The following NALF1 variants were observed in gnomAD, a reference collection of about 807,000 sequenced individuals.
NALF1 encodes the protein NALCN channel auxiliary factor 1.
NALF1 carries 3 observed loss-of-function variants against 48.4 expected under a neutral mutation model. That is an observed-to-expected ratio of 0.06 (90% CI 0.03 to 0.16). The LOEUF is 0.16. NALF1 is among the 10% of genes least tolerant of loss of function. The pLI is 1.00. For missense variants in NALF1, 526 were observed against 571.5 expected (o/e 0.92, Z 0.81); for synonymous variants, 262 against 245.7 (o/e 1.07, Z -0.62).
At chr13:107,289,720 G>A (rs1370783204) in intron 1 of NALF1, among the ~76,000 whole-genome samples, 1 of 152,136 alleles carries the variant, frequency 6.6e-6, no homozygotes, top group Non-Finnish European at 1.5e-5. Context: ...CCAGCTGAGA[G>A]CCATTTGGGG....
intron 1 of NALF1, among the ~76,000 whole-genome samples, chr13:107,355,182 T>C (rs1384663315): frequency 6.6e-6 from 1 of 152,132 alleles, no homozygotes; most frequent in African/African-American, 2.4e-5. Context: ...GCACAGCAAA[T>C]AGTCTCTGCA....
chr13:107,411,695 C>T (rs900026002), intron 1 of NALF1, among the ~76,000 whole-genome samples: 9 of 152,080 alleles, frequency 5.9e-5, no homozygotes, highest in African/African-American at 1.4e-4. Flanking sequence ...GCAGGACATT[C>T]GAAAGAAAGA....
chr13:107,404,487 T>C (rs1883866225), intron 1 of NALF1, among the ~76,000 whole-genome samples: 1 of 152,088 alleles, frequency 6.6e-6, no homozygotes, highest in African/African-American at 2.4e-5. Flanking sequence ...AAAATTGACC[T>C]ACAGAAAGAA....
intron 1 of NALF1, among the ~76,000 whole-genome samples, chr13:107,325,376 C>A (rs543711183): frequency 6.6e-6 from 1 of 152,212 alleles, no homozygotes; most frequent in South Asian, 2.1e-4. Flanking sequence ...ACACTCAAGA[C>A]AATCTTATGA....
intron 1 of NALF1, among the ~76,000 whole-genome samples, chr13:107,538,406 G>A (rs540308330): frequency 4.6e-5 from 7 of 152,076 alleles, no homozygotes; most frequent in East Asian, 3.9e-4. Flanking sequence ...AGATTTAATC[G>A]GCATAATCCT....
intron 1 of NALF1, among the ~76,000 whole-genome samples, chr13:107,824,668 T>C (rs1482739186): frequency 6.6e-6 from 1 of 152,196 alleles, no homozygotes; most frequent in Non-Finnish European, 1.5e-5. Context: ...TATGCATGTG[T>C]AGAAGATTCC....
At chr13:107,700,899 T>C (rs1460154181) in intron 1 of NALF1, among the ~76,000 whole-genome samples, 2 of 152,062 alleles carry the variant, frequency 1.3e-5, no homozygotes, top group Non-Finnish European at 2.9e-5. Flanking sequence ...GTGCTCAACA[T>C]CACTAATCAA....
intron 1 of NALF1, among the ~76,000 whole-genome samples, chr13:107,493,742 A>T (rs1924446): frequency 0.073 from 11,107 of 152,104 alleles, 742 homozygotes; most frequent in Admixed American, 0.2. Flanking sequence ...AACAAAAAAT[A>T]GCAATGCGTG....
At chr13:107,420,555 T>C (rs1016737628) in intron 1 of NALF1, among the ~76,000 whole-genome samples, 3 of 152,180 alleles carry the variant, frequency 2.0e-5, no homozygotes, top group Non-Finnish European at 4.4e-5. Flanking sequence ...AGTAACATCA[T>C]AGTGGTAGTC....
At chr13:107,588,508 C>T (rs1162805620) in intron 1 of NALF1, among the ~76,000 whole-genome samples, 1 of 151,954 alleles carries the variant, frequency 6.6e-6, no homozygotes, top group Non-Finnish European at 1.5e-5. Context: ...AGGGTTTGGG[C>T]ATACGTGAAA....
intron 1 of NALF1, among the ~76,000 whole-genome samples, chr13:107,470,015 T>A (rs151203816): frequency 0.012 from 1,888 of 151,936 alleles, 46 homozygotes; most frequent in African/African-American, 0.043. Flanking sequence ...AGTGCTGAGA[T>A]TACAGGCATG....
At chr13:107,387,092 G>A (rs188017960) in intron 1 of NALF1, among the ~76,000 whole-genome samples, 3 of 152,140 alleles carry the variant, frequency 2.0e-5, no homozygotes, top group African/African-American at 7.2e-5. Flanking sequence ...CGACTATGAT[G>A]GGTAGATGCA....
chr13:107,305,465 C>T (rs1315948858), intron 1 of NALF1, among the ~76,000 whole-genome samples: 3 of 152,142 alleles, frequency 2.0e-5, no homozygotes, highest in Admixed American at 2.0e-4. Flanking sequence ...ATTGTATTTA[C>T]TCATATTAAG....
At chr13:107,506,680 T>C (rs1187801036) in intron 1 of NALF1, among the ~76,000 whole-genome samples, 1 of 152,162 alleles carries the variant, frequency 6.6e-6, no homozygotes, top group African/African-American at 2.4e-5. Flanking sequence ...CATAATATTT[T>C]CAAGTTCATC....
rs181795583 is a variant in NALF1 at position 107,428,288 on chromosome 13, G to A, written c.916-217533C>T. 1.2e-4 allele frequency among the ~76,000 whole-genome samples: 18 copies of A among 152,266 alleles called. No homozygotes were observed. In the East Asian group the frequency reaches 2.9e-3, roughly 24 times the overall value. On this transcript the variant is annotated intron_variant, in intron 1 of 2. Coordinates refer to ENST00000375915, the MANE Select transcript of NALF1 (RefSeq NM_001080396.3). ...GATAATAAAACTGAGATTTAGAAAC[G>A]ATAAGCCTCATGCCCGAGGTTGCAC...
intron 1 of NALF1, among the ~76,000 whole-genome samples, chr13:107,609,275 G>A (rs1005726858): frequency 2.6e-5 from 4 of 152,262 alleles, no homozygotes; most frequent in East Asian, 1.9e-4. Flanking sequence ...AATCTTCGCC[G>A]AGAGCAGTTT....
intron 1 of NALF1, among the ~76,000 whole-genome samples, chr13:107,671,334 T>G (rs11616388): frequency 0.11 from 17,463 of 151,932 alleles, 1,558 homozygotes; most frequent in Admixed American, 0.21. Flanking sequence ...GTTTTTCATA[T>G]AACAAAAATA....
intron 1 of NALF1, among the ~76,000 whole-genome samples, chr13:107,833,493 T>G (rs1879803123): frequency 6.6e-6 from 1 of 152,226 alleles, no homozygotes; most frequent in Admixed American, 6.5e-5. Context: ...AAACAGATCT[T>G]CTACATTCAA....
intron 2 of NALF1, among the ~76,000 whole-genome samples, chr13:107,193,835 C>T (rs935674700): frequency 6.6e-5 from 10 of 152,094 alleles, no homozygotes; most frequent in Admixed American, 6.5e-4. Flanking sequence ...AATAATCTAA[C>T]AAACAGAAAA....
Sources: allele counts gnomAD v4.1 joint callset (sites outside exome capture counted in the v4.1 genomes callset), GRCh38; gene constraint gnomAD v4.1.1; transcripts MANE v1.5; gene names NCBI Gene and HGNC (gene_info 2026-07-23, HGNC 2026-07-21).